Variants in GRAMD1B observed in about 807,000 individuals in gnomAD.
The protein encoded by GRAMD1B is protein Aster-B.
GRAMD1B carries 37 observed loss-of-function variants against 99.7 expected under a neutral mutation model. The ratio of observed to expected loss-of-function variants is 0.37; its 90% CI spans 0.29 to 0.49. The LOEUF (loss-of-function observed/expected upper bound fraction) is 0.49. GRAMD1B is among the 20% of genes least tolerant of loss of function. GRAMD1B has a pLI of 0.98. For missense variants in GRAMD1B, 888 were observed against 1,009.2 expected (o/e 0.88, Z 1.63); for synonymous variants, 427 against 387.6 (o/e 1.10, Z -1.19).
intron 1 of GRAMD1B, among the ~76,000 whole-genome samples, chr11:123,403,842 C>A (rs373904921): frequency 6.6e-6 from 1 of 152,112 alleles, no homozygotes; most frequent in East Asian, 1.9e-4. Flanking sequence ...CCGCGCCCGG[C>A]CTGCTTGTCA....
chr11:123,544,843 C>T (rs1030888544), intron 2 of GRAMD1B, among the ~76,000 whole-genome samples: 1 of 152,246 alleles, frequency 6.6e-6, no homozygotes, highest in African/African-American at 2.4e-5. Flanking sequence ...GTAGAGAGGA[C>T]GTCCTTAAAG....
At chr11:123,508,349 G>A (rs957673370) in intron 2 of GRAMD1B, among the ~76,000 whole-genome samples, 15 of 152,132 alleles carry the variant, frequency 9.9e-5, no homozygotes, top group African/African-American at 3.6e-4. Flanking sequence ...CAGGATAAGT[G>A]TATCAAACCA....
At chr11:123,405,528 G>T (rs965357484) in intron 1 of GRAMD1B, among the ~76,000 whole-genome samples, 2 of 152,174 alleles carry the variant, frequency 1.3e-5, no homozygotes, top group Admixed American at 1.3e-4. Context: ...GGATAACTTG[G>T]GTCTGTGTTT....
In GRAMD1B at chr11:123,619,096, C is replaced by T. The variant is rs1954809888; in HGVS notation, c.2427-11C>T. 1.4e-6 allele frequency: 2 copies of T among 1,456,324 alleles called. No homozygotes were observed. The highest frequency in any genetic ancestry group is 2.5e-5 in the East Asian group (1 of 40,574). The allele number at this position is 1,456,324 out of a possible 1,614,324, so 90.2% of individuals were successfully genotyped here. A position where few individuals can be genotyped will look rare whatever the true frequency, so the allele number is the denominator to read the frequency against. ...TCCAGCTGCTGGGGTACCCCTTCTT[C>T]TACCCCACAGGTTACCCCAGTCTCA... On this transcript the variant is annotated splice_polypyrimidine_tract_variant and intron_variant, in intron 18 of 19. Coordinates refer to ENST00000635736, the MANE Select transcript of GRAMD1B (RefSeq NM_001387025.1).
chr11:123,400,269 G>T (rs1035793157), intron 1 of GRAMD1B, among the ~76,000 whole-genome samples: 34 of 152,162 alleles, frequency 2.2e-4, no homozygotes, highest in African/African-American at 7.7e-4. Context: ...CTGAGGTCAG[G>T]AGTTCAAGAC....
At chr11:123,374,632 T>A (rs538957491) in intron 1 of GRAMD1B, among the ~76,000 whole-genome samples, 96 of 152,342 alleles carry the variant, frequency 6.3e-4, no homozygotes, top group African/African-American at 2.3e-3. Flanking sequence ...TGTACTTGTC[T>A]GCTATTTGGT....
chr11:123,603,567 C>G (rs531032445), intron 9 of GRAMD1B, 26 bp downstream of exon 9: 1 of 1,393,052 alleles, frequency 7.2e-7, no homozygotes, highest in South Asian at 1.2e-5. Context: ...GGCGGCTGCC[C>G]AGAGGCAGCC....
In GRAMD1B at chr11:123,598,672, C is replaced by G; in HGVS notation, c.970-1796C>G. 5 of 1,164,752 alleles carry G rather than the reference C, an allele frequency of 4.3e-6. No individual in the cohort carries two copies. In the South Asian group the frequency reaches 4.9e-5, roughly 11 times the overall value. 72.2% of individuals were successfully genotyped at this position (1,164,752 alleles called of 1,614,324 possible). A position where few individuals can be genotyped will look rare whatever the true frequency, so the allele number is the denominator to read the frequency against. On this transcript the variant is annotated intron_variant, in intron 7 of 19. Transcript: ENST00000635736. ...GCTAAGAGAGCGGATTTCAATCTGT[C>G]CAAACCCAGAGAGGCCAACTCCTCC... is the stretch of plus-strand genomic sequence containing the variant.
intron 2 of GRAMD1B, among the ~76,000 whole-genome samples, chr11:123,497,525 C>T (rs1452269497): frequency 6.6e-6 from 1 of 152,142 alleles, no homozygotes; most frequent in Non-Finnish European, 1.5e-5. Context: ...CCCCTAGGCC[C>T]CAGATGAGTC....
intron 2 of GRAMD1B, among the ~76,000 whole-genome samples, chr11:123,508,679 A>G (rs2714070): frequency 0.8 from 121,400 of 152,068 alleles, 49,234 homozygotes; most frequent in African/African-American, 0.95. Context: ...AAATGATCAC[A>G]CAATCATTGC....
intron 1 of GRAMD1B, among the ~76,000 whole-genome samples, chr11:123,360,905 CT>C (rs111238332): frequency 0.012 from 1,796 of 151,702 alleles, 29 homozygotes; most frequent in African/African-American, 0.041. Flanking sequence ...CAACCTCCGC[CT>C]TCCGGTTTCA....
chr11:123,480,144 C>T (rs777987586), intron 1 of GRAMD1B, among the ~76,000 whole-genome samples: 2 of 152,166 alleles, frequency 1.3e-5, no homozygotes, highest in Non-Finnish European at 2.9e-5. Flanking sequence ...ATATGACCTC[C>T]CAAAAGAACT....
intron 1 of GRAMD1B, among the ~76,000 whole-genome samples, chr11:123,434,110 G>A (rs974923579): frequency 4.6e-4 from 70 of 151,284 alleles, no homozygotes; most frequent in Non-Finnish European, 8.8e-4. Flanking sequence ...GACACCTGTA[G>A]TCCCAGCTAC....
At chr11:123,484,541 C>T (rs749084847) in intron 2 of GRAMD1B, among the ~76,000 whole-genome samples, 7 of 152,188 alleles carry the variant, frequency 4.6e-5, no homozygotes, top group African/African-American at 1.7e-4. Context: ...CTGGCCCACT[C>T]GCAGTCCCCT....
At chr11:123,383,789 A>AAT (rs113677613) in intron 1 of GRAMD1B, among the ~76,000 whole-genome samples, 4,529 of 146,992 alleles carry the variant, frequency 0.031, 76 homozygotes, top group African/African-American at 0.041. Context: ...TCCCTTCATG[A>AAT]ATATATATAT....
At chr11:123,595,326 G>A (rs1020577716) in intron 6 of GRAMD1B, among the ~76,000 whole-genome samples, 18 of 151,044 alleles carry the variant, frequency 1.2e-4, no homozygotes, top group African/African-American at 4.2e-4. Context: ...TTGTTGCCCA[G>A]GCTGGAGTAC....
chr11:123,580,668 G>A (rs753854749), intron 3 of GRAMD1B, among the ~76,000 whole-genome samples: 9 of 152,162 alleles, frequency 5.9e-5, no homozygotes, highest in Non-Finnish European at 1.0e-4. Context: ...GGTGCAGTCC[G>A]GCCCCAGCAC....
intron 1 of GRAMD1B, among the ~76,000 whole-genome samples, chr11:123,448,707 A>G (rs974296632): frequency 6.6e-6 from 1 of 152,122 alleles, no homozygotes; most frequent in Admixed American, 6.5e-5. Context: ...TGAACTCATT[A>G]TTTTTCCCTT....
intron 1 of GRAMD1B, among the ~76,000 whole-genome samples, chr11:123,465,062 T>C (rs1375448227): frequency 6.6e-6 from 1 of 152,088 alleles, no homozygotes; most frequent in Non-Finnish European, 1.5e-5. Flanking sequence ...GGTGGAACAC[T>C]AGGAGTTTTA....
Sources: allele counts gnomAD v4.1 joint callset (sites outside exome capture counted in the v4.1 genomes callset), GRCh38; gene constraint gnomAD v4.1.1; transcripts MANE v1.5; gene names NCBI Gene and HGNC (gene_info 2026-07-23, HGNC 2026-07-21).